Variants in SLC16A10 observed in about 807,000 individuals in gnomAD.
SLC16A10 encodes solute carrier family 16 member 10.
Under a neutral mutation model 40.0 loss-of-function variants are expected in SLC16A10, and 27 were observed. The ratio of observed to expected loss-of-function variants is 0.67; its 90% CI spans 0.50 to 0.93. The LOEUF (loss-of-function observed/expected upper bound fraction) is 0.93, where lower values mean the gene tolerates loss of function less well. SLC16A10 is among the 40% of genes least tolerant of loss of function. The pLI, the probability that SLC16A10 is intolerant of heterozygous loss-of-function variation, is 0.00. For missense variants in SLC16A10, 529 were observed against 658.2 expected, an observed-to-expected ratio of 0.80 and a Z score of 2.15; for synonymous variants, 213 against 249.8, an observed-to-expected ratio of 0.85 and a Z score of 1.39.
intron 1 of SLC16A10, among the ~76,000 whole-genome samples, chr6:111,117,461 A>G (rs73765924): frequency 0.014 from 2,146 of 152,234 alleles, 53 homozygotes; most frequent in African/African-American, 0.05. Flanking sequence ...ACTTTAGTCA[A>G]TATTTGGTTA....
chr6:111,145,480 G>A (rs766851657), intron 1 of SLC16A10, among the ~76,000 whole-genome samples: 1 of 152,178 alleles, frequency 6.6e-6, no homozygotes, highest in Non-Finnish European at 1.5e-5. Flanking sequence ...ACAATTAAGT[G>A]GGGGAAGAAT....
At chr6:111,131,733 TG>T (rs1255726944) in intron 1 of SLC16A10, among the ~76,000 whole-genome samples, 1 of 152,178 alleles carries the variant, frequency 6.6e-6, no homozygotes, top group African/African-American at 2.4e-5. Flanking sequence ...TCAGTTTTCC[TG>T]GGGAAGCTGA....
intron 1 of SLC16A10, among the ~76,000 whole-genome samples, chr6:111,155,242 C>T (rs539644510): frequency 2.0e-5 from 3 of 151,494 alleles, no homozygotes; most frequent in East Asian, 3.9e-4. Context: ...TGCCCTGTCA[C>T]CCAGGTTGGA....
intron 1 of SLC16A10, among the ~76,000 whole-genome samples, chr6:111,128,156 T>A (rs1562405552): frequency 6.6e-6 from 1 of 152,236 alleles, no homozygotes; most frequent in Non-Finnish European, 1.5e-5. Flanking sequence ...AATCTTTCTG[T>A]CAGTTTAACT....
At position 111,127,290 on chromosome 6, in the gene SLC16A10, C is replaced by T. The variant is rs111966709; in HGVS notation, c.343+39195C>T. Among the ~76,000 whole-genome samples the T allele has an allele frequency of 2.6e-3, 392 of 152,284 alleles. 2 individuals carry two copies. Among genetic ancestry groups the T allele is most frequent in the African/African-American group, 8.9e-3 (369 of 41,558 alleles). On this transcript the variant is annotated intron_variant, in intron 1 of 5. Coordinates refer to ENST00000368851, the MANE Select transcript of SLC16A10 (RefSeq NM_018593.5). ...GTGCTAGTTGGGAAGTCCTATCACA[C>T]GAAGTGGTATTTGATCTGAGACCTG...
At chr6:111,103,195 C>T (rs780487657) in intron 1 of SLC16A10, among the ~76,000 whole-genome samples, 9 of 152,034 alleles carry the variant, frequency 5.9e-5, no homozygotes, top group Non-Finnish European at 1.0e-4. Flanking sequence ...TGTGAACCAC[C>T]GGGCCCGGCT....
chr6:111,088,019 C>T lies in SLC16A10; in HGVS notation c.267C>T (p.Asn89=), dbSNP rs955396599. The change falls in exon 1 of 6, where the codon AAC becomes AAT. Residue 89 remains asparagine (N), a synonymous_variant. Transcript: ENST00000368851. ...WCNGSVFGIQ[N]ACGVLFVSML... ...ACGGGTCGGTGTTCGGCATCCAGAA[C>T]GCTTGCGGGGTGCTCTTCGTGTCCA... 3.1e-6 allele frequency: 5 copies of T among 1,609,592 alleles called. No homozygotes were observed. Among genetic ancestry groups the T allele is most frequent in the Non-Finnish European group, 3.4e-6 (4 of 1,178,110 alleles).
At chr6:111,187,936 A>T (rs1289163496) in intron 3 of SLC16A10, among the ~76,000 whole-genome samples, 1 of 152,182 alleles carries the variant, frequency 6.6e-6, no homozygotes, top group African/African-American at 2.4e-5. Flanking sequence ...TGGGCCAGGA[A>T]TGGGCTGCTG....
chr6:111,151,180 A>G (rs867164003), intron 1 of SLC16A10, among the ~76,000 whole-genome samples: 1 of 152,216 alleles, frequency 6.6e-6, no homozygotes, highest in Non-Finnish European at 1.5e-5. Context: ...AATTTAATGT[A>G]CAGTAACTAT....
At chr6:111,212,656 G>A (rs1334519979) in intron 4 of SLC16A10, among the ~76,000 whole-genome samples, 1 of 151,958 alleles carries the variant, frequency 6.6e-6, no homozygotes, top group African/African-American at 2.4e-5. Context: ...AGCTGGACAT[G>A]GTGGCCTACA....
At chr6:111,211,668 G>T (rs562588287) in intron 4 of SLC16A10, among the ~76,000 whole-genome samples, 3 of 152,184 alleles carry the variant, frequency 2.0e-5, no homozygotes, top group Non-Finnish European at 4.4e-5. Flanking sequence ...TGAACACAGC[G>T]GCACAGGACG....
intron 1 of SLC16A10, among the ~76,000 whole-genome samples, chr6:111,145,887 T>C (rs889472968): frequency 6.6e-6 from 1 of 152,216 alleles, no homozygotes; most frequent in African/African-American, 2.4e-5. Flanking sequence ...GTATAAATGT[T>C]TGTGGCCTTG....
intron 1 of SLC16A10, among the ~76,000 whole-genome samples, chr6:111,126,293 T>C (rs183980567): frequency 2.7e-4 from 41 of 152,210 alleles, no homozygotes; most frequent in Admixed American, 2.3e-3. Flanking sequence ...TGAGGAGCCA[T>C]TGGGGTTGGT....
At chr6:111,095,395 G>T (rs1771055574) in intron 1 of SLC16A10, among the ~76,000 whole-genome samples, 1 of 152,140 alleles carries the variant, frequency 6.6e-6, no homozygotes, top group South Asian at 2.1e-4. Flanking sequence ...GGAATATTGG[G>T]GGTAGCTACA....
chr6:111,186,614 C>T (rs1455139465), intron 3 of SLC16A10, among the ~76,000 whole-genome samples: 2 of 152,130 alleles, frequency 1.3e-5, no homozygotes, highest in Non-Finnish European at 2.9e-5. Flanking sequence ...CCCTTGTAGT[C>T]ACTAACTCTA....
At chr6:111,119,848 C>A (rs754265642) in intron 1 of SLC16A10, among the ~76,000 whole-genome samples, 2 of 152,226 alleles carry the variant, frequency 1.3e-5, no homozygotes, top group Non-Finnish European at 2.9e-5. Context: ...ATAATACTGG[C>A]AGGCTTGCTG....
intron 3 of SLC16A10, among the ~76,000 whole-genome samples, chr6:111,205,700 G>A (rs796652640): frequency 2.0e-5 from 3 of 152,264 alleles, no homozygotes; most frequent in African/African-American, 7.2e-5. Context: ...ACAGAACCAG[G>A]ACTTGAACGC....
In SLC16A10 at chr6:111,223,400, C is replaced by T. The variant is rs1407140560; in HGVS notation, c.*1165C>T. Reference sequence around the variant, plus strand: ...ATAAGAAAGCTCTCAGTTTGAGGACCCAAAATAAAACCAAAGTCATGCCAT... The same window carrying T: ...ATAAGAAAGCTCTCAGTTTGAGGACTCAAAATAAAACCAAAGTCATGCCAT... On this transcript the variant is annotated 3_prime_UTR_variant, in exon 6 of 6. Coordinates refer to ENST00000368851, the MANE Select transcript of SLC16A10 (RefSeq NM_018593.5). The T allele has an allele frequency of 1.3e-5, 2 of 151,758 alleles. No homozygotes were observed. The highest frequency in any genetic ancestry group is 4.8e-5 in the African/African-American group (2 of 41,306). The allele number at this position is 151,758 out of a possible 1,614,324, so 9.4% of individuals were successfully genotyped here. A position where few individuals can be genotyped will look rare whatever the true frequency, so the allele number is the denominator to read the frequency against.
At chr6:111,120,796 A>G (rs951016078) in intron 1 of SLC16A10, among the ~76,000 whole-genome samples, 62 of 152,348 alleles carry the variant, frequency 4.1e-4, no homozygotes, top group African/African-American at 1.4e-3. Context: ...CGATGTCCCA[A>G]TCATTGTGGA....
Sources: allele counts gnomAD v4.1 joint callset (sites outside exome capture counted in the v4.1 genomes callset), GRCh38; gene constraint gnomAD v4.1.1; transcripts MANE v1.5; gene names NCBI Gene and HGNC (gene_info 2026-07-23, HGNC 2026-07-21).